Variants in AK4 observed in about 807,000 individuals in gnomAD.
AK4 encodes the protein adenylate kinase 4, mitochondrial.
AK4 carries 13 observed loss-of-function variants against 24.6 expected under a neutral mutation model. That is an observed-to-expected ratio of 0.53 (90% confidence interval 0.34 to 0.84). AK4 has a LOEUF of 0.84. Ranked by LOEUF, AK4 falls within the 40% of genes least tolerant of loss-of-function variation. The pLI is 0.01. For missense variants in AK4, 192 were observed against 288.2 expected, an observed-to-expected ratio of 0.67 and a Z score of 2.42; for synonymous variants, 88 against 107.0, an observed-to-expected ratio of 0.82 and a Z score of 1.10.
chr1:65,178,296 T>G (rs1650784104), intron 1 of AK4, among the ~76,000 whole-genome samples: 1 of 152,152 alleles, frequency 6.6e-6, no homozygotes, highest in Non-Finnish European at 1.5e-5. Flanking sequence ...TGCATATGAT[T>G]GTACAAATCG....
chr1:65,219,071 A>C (rs1358378726), intron 3 of AK4, 145 bp downstream of exon 3: 1 of 530,046 alleles, frequency 1.9e-6, no homozygotes, highest in African/African-American at 2.0e-5. Context: ...GTTCAAATGT[A>C]GTTGTCAGGG....
intron 1 of AK4, among the ~76,000 whole-genome samples, chr1:65,190,445 T>G: frequency 1.5e-5 from 2 of 130,684 alleles, no homozygotes; most frequent in Non-Finnish European, 3.3e-5. Flanking sequence ...TTTCTTCCTT[T>G]TTTTGGGGGG....
intron 1 of AK4, among the ~76,000 whole-genome samples, chr1:65,150,795 T>C (rs941832495): frequency 1.9e-4 from 29 of 152,144 alleles, no homozygotes; most frequent in Admixed American, 1.9e-3. Context: ...GCTCCGGCCA[T>C]CTGCTCCAGC....
At chr1:65,225,717 T>C (rs1204733090) in intron 4 of AK4, among the ~76,000 whole-genome samples, 1 of 152,188 alleles carries the variant, frequency 6.6e-6, no homozygotes, top group Non-Finnish European at 1.5e-5. Context: ...TATTCCATGA[T>C]TGACTAAGTA....
intron 2 of AK4, among the ~76,000 whole-genome samples, chr1:65,195,670 A>C (rs1651444560): frequency 6.6e-6 from 1 of 152,176 alleles, no homozygotes; most frequent in East Asian, 1.9e-4. Context: ...CTCATGAAAC[A>C]CAAATTAGCA....
intron 3 of AK4, among the ~76,000 whole-genome samples, chr1:65,219,292 A>G (rs1368132226): frequency 6.6e-6 from 1 of 152,042 alleles, no homozygotes; most frequent in Non-Finnish European, 1.5e-5. Flanking sequence ...TGTTAGCTGA[A>G]GTATTACTAG....
At chr1:65,188,785 A>G (rs1190732865) in intron 1 of AK4, among the ~76,000 whole-genome samples, 3 of 131,990 alleles carry the variant, frequency 2.3e-5, no homozygotes, top group Admixed American at 7.8e-5. Flanking sequence ...ACCTACTTAT[A>G]TATTTTTTTG....
At chr1:65,180,856 G>A (rs573225972) in intron 1 of AK4, among the ~76,000 whole-genome samples, 1 of 152,218 alleles carries the variant, frequency 6.6e-6, no homozygotes, top group East Asian at 1.9e-4. Context: ...TGATGTTTTG[G>A]CGAAGGGATG....
chr1:65,195,925 G>A (rs1311796369), intron 2 of AK4, among the ~76,000 whole-genome samples: 1 of 152,130 alleles, frequency 6.6e-6, no homozygotes, highest in Non-Finnish European at 1.5e-5. Flanking sequence ...CTTTTGCCAT[G>A]ACTTCCTCTC....
intron 1 of AK4, among the ~76,000 whole-genome samples, chr1:65,188,753 C>T (rs889724229): frequency 1.3e-5 from 2 of 151,644 alleles, no homozygotes; most frequent in Non-Finnish European, 1.5e-5. Context: ...GCTGGGATTA[C>T]AGGCGTGAGC....
intron 2 of AK4, among the ~76,000 whole-genome samples, chr1:65,195,968 AG>A (rs1362704452): frequency 6.6e-6 from 1 of 152,112 alleles, no homozygotes; most frequent in Non-Finnish European, 1.5e-5. Flanking sequence ...TTGACATCAT[AG>A]GCCTGTTTTA....
intron 1 of AK4, among the ~76,000 whole-genome samples, chr1:65,190,412 G>A (rs2101040594): frequency 8.1e-6 from 1 of 124,128 alleles, no homozygotes; most frequent in African/African-American, 3.0e-5. Context: ...ACAGGCACGA[G>A]CCACACACGT....
chr1:65,158,602 G>A (rs1317433451), intron 1 of AK4, among the ~76,000 whole-genome samples: 1 of 152,166 alleles, frequency 6.6e-6, no homozygotes, highest in Admixed American at 6.5e-5. Flanking sequence ...CTGGGTTCAA[G>A]CGATTCTTGT....
At chr1:65,215,728 A>G (rs1652109660) in intron 2 of AK4, among the ~76,000 whole-genome samples, 1 of 152,166 alleles carries the variant, frequency 6.6e-6, no homozygotes, top group Non-Finnish European at 1.5e-5. Context: ...CCTATTTTGT[A>G]CACTTTGCAT....
At chr1:65,174,894 A>G (rs1039163217) in intron 1 of AK4, among the ~76,000 whole-genome samples, 3 of 152,242 alleles carry the variant, frequency 2.0e-5, no homozygotes, top group Non-Finnish European at 2.9e-5. Context: ...ACAAGGGAGT[A>G]TAGAAAGACT....
chr1:65,170,809 TG>T (rs750982017), intron 1 of AK4, among the ~76,000 whole-genome samples: 1 of 152,186 alleles, frequency 6.6e-6, no homozygotes, highest in Non-Finnish European at 1.5e-5. Context: ...CAAAAAAATT[TG>T]CAGAATCAGC....
chr1:65,153,658 G>A (rs1649875076), intron 1 of AK4, among the ~76,000 whole-genome samples: 1 of 152,108 alleles, frequency 6.6e-6, no homozygotes, highest in Admixed American at 6.5e-5. Context: ...AGAAATGAAA[G>A]CAGCAAGTAA....
At chr1:65,202,716 ATACTTTGC>A (rs1651697610) in intron 2 of AK4, among the ~76,000 whole-genome samples, 1 of 152,182 alleles carries the variant, frequency 6.6e-6, no homozygotes, top group Non-Finnish European at 1.5e-5. Context: ...ATTTGAGGGC[ATACTTTGC>A]TAATTGCTAA....
At chr1:65,215,614 GGAATTA>G (rs1477345446) in intron 2 of AK4, among the ~76,000 whole-genome samples, 2 of 152,156 alleles carry the variant, frequency 1.3e-5, no homozygotes, top group African/African-American at 4.8e-5. Flanking sequence ...CTAAATCACT[GGAATTA>G]ATTATCATCT....
Sources: allele counts gnomAD v4.1 joint callset (sites outside exome capture counted in the v4.1 genomes callset), GRCh38; gene constraint gnomAD v4.1.1; transcripts MANE v1.5; gene names NCBI Gene and HGNC (gene_info 2026-07-23, HGNC 2026-07-21).